The following ZNF410 variants were observed in gnomAD, a reference collection of about 807,000 sequenced individuals.
ZNF410 encodes zinc finger protein 410, also known as another partner for ARF 1.
Under a neutral mutation model 54.8 loss-of-function variants are expected in ZNF410, and 18 were observed. The observed-to-expected ratio is 0.33, with a 90% CI of 0.23 to 0.49. The LOEUF (loss-of-function observed/expected upper bound fraction) is 0.49, where lower values mean the gene tolerates loss of function less well. Among genes scored for constraint, ZNF410 ranks in the 20% least tolerant of loss-of-function variants. The pLI, the probability that ZNF410 is intolerant of heterozygous loss-of-function variation, is 0.99. For synonymous variants in ZNF410, 191 were observed against 207.3 expected, an observed-to-expected ratio of 0.92 and a Z score of 0.68; for missense variants, 405 against 569.6, an observed-to-expected ratio of 0.71 and a Z score of 2.94.
intron 7 of ZNF410, among the ~76,000 whole-genome samples, chr14:73,905,937 A>G (rs1423419589): frequency 1.3e-5 from 1 of 74,126 alleles, no homozygotes; most frequent in Non-Finnish European, 2.5e-5. Flanking sequence ...ACATACATAC[A>G]TATATATACA....
intron 8 of ZNF410, among the ~76,000 whole-genome samples, chr14:73,909,992 CT>C (rs1454496844): frequency 6.6e-6 from 1 of 152,160 alleles, no homozygotes; most frequent in Admixed American, 6.5e-5. Flanking sequence ...AATTAATTCC[CT>C]GCAATTCTGT....
In ZNF410 at chr14:73,931,587, A is replaced by G. The variant is rs1290027534; in HGVS notation, c.*46A>G. 1.3e-6 allele frequency: 2 copies of G among 1,578,922 alleles called. No homozygotes were observed. Among genetic ancestry groups the G allele is most frequent in the South Asian group, 1.1e-5 (1 of 89,730 alleles). On this transcript the variant is annotated 3_prime_UTR_variant, in exon 12 of 12. Coordinates refer to ENST00000555044, the MANE Select transcript of ZNF410 (RefSeq NM_021188.3). ...AAGAGCAACTCTATCTGATCTCAAA[A>G]TGCGTATACTGGGAACAGGATGCCT...
At chr14:73,906,543 C>G (rs6574152) in intron 7 of ZNF410, 49,765 of 151,998 alleles carry the variant, frequency 0.33, 9,464 homozygotes, top group Non-Finnish European at 0.42. Context: ...TGCAGTGATG[C>G]GATCTCAGCT....
At position 73,903,968 on chromosome 14, in the gene ZNF410, G is replaced by A; in HGVS notation, c.589G>A (p.Val197Ile). The change falls in exon 6 of 12, where the codon GTC (valine) becomes ATC (isoleucine). Residue 197 changes from valine (V) to isoleucine (I), a missense_variant. Around this residue, in one of 3 missense-constraint regions of ZNF410, gnomAD observed 247 missense variants for 342.8 expected, o/e 0.72. Coordinates refer to ENST00000555044, the MANE Select transcript of ZNF410 (RefSeq NM_021188.3). ...NAKTSSNGENVHLGSGDGQSK... is the reference protein window; with the variant it reads ...NAKTSSNGENIHLGSGDGQSK... ...ATGTGACTCTGTTACAGGAGAAAATGTCCACCTTGGTTCTGGTGATGGGCA... is the reference window on the plus strand; with the variant it reads ...ATGTGACTCTGTTACAGGAGAAAATATCCACCTTGGTTCTGGTGATGGGCA... 6.2e-7 allele frequency: 1 copy of A among 1,614,164 alleles called. No individual in the cohort carries two copies. Among genetic ancestry groups the A allele is most frequent in the South Asian group, 1.1e-5 (1 of 91,074 alleles).
At position 73,908,749 on chromosome 14, in the gene ZNF410, C is replaced by T. The variant is rs76876115; in HGVS notation, c.914-592C>T. ...CAGCTGCTTACAAAAATTACTGCAACGGAGCACTTTTTTTTGTATTTATGA... is the reference window on the plus strand; with the variant it reads ...CAGCTGCTTACAAAAATTACTGCAATGGAGCACTTTTTTTTGTATTTATGA... On this transcript the variant is annotated intron_variant, in intron 7 of 11. Transcript: ENST00000555044. Among the ~76,000 whole-genome samples the T allele has an allele frequency of 4.4e-3, 666 of 152,260 alleles. 6 individuals are homozygous for T. Among genetic ancestry groups the T allele is most frequent in the African/African-American group, 0.015 (640 of 41,550 alleles).
intron 1 of ZNF410, among the ~76,000 whole-genome samples, chr14:73,889,986 G>A (rs1023118668): frequency 3.6e-4 from 54 of 151,852 alleles, no homozygotes; most frequent in African/African-American, 1.3e-3. Context: ...TAGTTGAGAC[G>A]GAGTTGCACC....
At chr14:73,903,927 T>TC (rs1343116404) in intron 5 of ZNF410, 33 bp from the exon 6 acceptor site, 2 of 1,613,350 alleles carry the variant, frequency 1.2e-6, no homozygotes, top group Non-Finnish European at 1.7e-6. Flanking sequence ...GTAGGGTCTT[T>TC]CCCTGGATTA....
intron 1 of ZNF410, chr14:73,888,182 G>A (rs2055173409): frequency 1.3e-5 from 2 of 152,150 alleles, no homozygotes; most frequent in South Asian, 4.1e-4. Context: ...GCAGCTGAGT[G>A]GGAGGAAGAT....
chr14:73,889,153 A>C (rs149180504), intron 1 of ZNF410, among the ~76,000 whole-genome samples: 73 of 152,290 alleles, frequency 4.8e-4, no homozygotes, highest in African/African-American at 1.7e-3. Flanking sequence ...TTGGCTTGTT[A>C]AGACAAGCTG....
intron 11 of ZNF410, chr14:73,927,940 C>T: frequency 5.9e-6 from 1 of 169,392 alleles, no homozygotes; most frequent in Non-Finnish European, 1.3e-5. Context: ...TGGGTTCAAG[C>T]AATTCTCATG....
chr14:73,915,720 G>GT (rs1291146954), intron 8 of ZNF410: 1 of 152,142 alleles, frequency 6.6e-6, no homozygotes, highest in African/African-American at 2.4e-5. Context: ...TCTCTTCCTA[G>GT]TATGTTGAGA....
At chr14:73,927,162 T>C (rs1285815000) in intron 11 of ZNF410, 2 of 252,482 alleles carry the variant, frequency 7.9e-6, no homozygotes, top group Non-Finnish European at 1.7e-5. Context: ...CTCGGCTCAC[T>C]GCAACCTCTA....
chr14:73,922,884 A>G (rs1029894995), intron 10 of ZNF410: 1 of 152,364 alleles, frequency 6.6e-6, no homozygotes, highest in Non-Finnish European at 1.5e-5. Flanking sequence ...AGCATAAAAT[A>G]GTTGTATAAT....
At chr14:73,930,336 T>A (rs987984441) in intron 11 of ZNF410, among the ~76,000 whole-genome samples, 4 of 152,118 alleles carry the variant, frequency 2.6e-5, no homozygotes, top group Non-Finnish European at 5.9e-5. Flanking sequence ...TAAAAAAAAG[T>A]TTTTTTGGTG....
chr14:73,898,575 T>C (rs1210762233), intron 5 of ZNF410: 4 of 463,098 alleles, frequency 8.6e-6, no homozygotes, highest in African/African-American at 6.0e-5. Flanking sequence ...AAAACATAAA[T>C]TCTGTGTAAA....
At chr14:73,919,321 G>A (rs977610988) in intron 8 of ZNF410, among the ~76,000 whole-genome samples, 5 of 151,916 alleles carry the variant, frequency 3.3e-5, no homozygotes, top group African/African-American at 1.2e-4. Context: ...TTAGATTCAG[G>A]GGGTACATGT....
intron 7 of ZNF410, 78 bp downstream of exon 7, chr14:73,905,161 A>G (rs766372840): frequency 1.6e-5 from 23 of 1,462,066 alleles, no homozygotes; most frequent in Non-Finnish European, 1.9e-5. Flanking sequence ...GAAAGACTCA[A>G]GTGGGAATAG....
rs528822205 is a variant in ZNF410, at chr14:73,905,180, G to A, written c.913+97G>A. 30 of 1,309,834 alleles carry A rather than the reference G, an allele frequency of 2.3e-5. No individual in the cohort carries two copies. In the African/African-American group the frequency reaches 3.5e-4, roughly 15 times the overall value. 81.1% of individuals were successfully genotyped at this position (1,309,834 alleles called of 1,614,324 possible). ...GACTCAAGTGGGAATAGAAATGAAGGTCTGGGGTTGTTGCTAGAACTCTGA... is the reference window on the plus strand; with the variant it reads ...GACTCAAGTGGGAATAGAAATGAAGATCTGGGGTTGTTGCTAGAACTCTGA... On this transcript the variant is annotated intron_variant, in intron 7 of 11. Transcript: ENST00000555044.
intron 5 of ZNF410, 56 bp downstream of exon 5, chr14:73,898,318 TGCA>T (rs1338391053): frequency 6.4e-7 from 1 of 1,571,444 alleles, no homozygotes; most frequent in East Asian, 2.3e-5. Flanking sequence ...ATTTTGGTAA[TGCA>T]GTGGCTGGTT....
Sources: gnomAD v4.1 joint callset for allele counts (sites outside exome capture counted in the v4.1 genomes callset) on GRCh38, gnomAD v4.1.1 for gene constraint, gnomAD v4.1.1 regional missense constraint, MANE v1.5 for transcripts, NCBI Gene and HGNC (gene_info 2026-07-23, HGNC 2026-07-21) for gene names.